Variants in ACAP2 observed in about 807,000 individuals in gnomAD.
ACAP2 encodes the protein arf-GAP with coiled-coil, ANK repeat and PH domain-containing protein 2.
In ACAP2, 39 loss-of-function variants were observed where a neutral mutation model predicts 115.8. The ratio of observed to expected loss-of-function variants is 0.34; its 90% CI spans 0.26 to 0.44. The LOEUF (loss-of-function observed/expected upper bound fraction) is 0.44, where lower values mean the gene tolerates loss of function less well. Among genes scored for constraint, ACAP2 ranks in the 20% least tolerant of loss-of-function variants. ACAP2 has a pLI of 1.00. For missense variants in ACAP2, 662 were observed against 927.6 expected (o/e 0.71, Z 3.72); for synonymous variants, 289 against 315.8 (o/e 0.92, Z 0.90).
chr3:195,290,196 A>T (rs1336644147), intron 20 of ACAP2, among the ~76,000 whole-genome samples: 1 of 151,980 alleles, frequency 6.6e-6, no homozygotes, highest in African/African-American at 2.4e-5. Flanking sequence ...ACATAGCAAA[A>T]TGTCTCTAAA....
chr3:195,441,783 A>G (rs761536242), intron 1 of ACAP2: 8 of 152,214 alleles, frequency 5.3e-5, no homozygotes, highest in Non-Finnish European at 1.2e-4. Context: ...GTAAAACGCA[A>G]CCTAGAAAAA....
chr3:195,356,240 C>T (rs1291138531), intron 4 of ACAP2: 1 of 455,256 alleles, frequency 2.2e-6, no homozygotes, highest in Non-Finnish European at 4.4e-6. Context: ...CGCAGTGCTG[C>T]CAATCCCGGC....
chr3:195,368,236 G>A (rs544372729), intron 4 of ACAP2, among the ~76,000 whole-genome samples: 7 of 152,164 alleles, frequency 4.6e-5, no homozygotes, highest in South Asian at 2.1e-4. Flanking sequence ...TGCAACCTTC[G>A]CCTCCCGGGT....
At chr3:195,338,679 G>A (rs896905963) in intron 6 of ACAP2, among the ~76,000 whole-genome samples, 1 of 152,040 alleles carries the variant, frequency 6.6e-6, no homozygotes, top group African/African-American at 2.4e-5. Flanking sequence ...TAAATTAAAA[G>A]ATTTGCCTTT....
chr3:195,381,796 A>T, intron 3 of ACAP2, 107 bp downstream of exon 3: 1 of 1,326,512 alleles, frequency 7.5e-7, no homozygotes, highest in Non-Finnish European at 1.0e-6. Flanking sequence ...TTCTACTTCT[A>T]ATTTTAAGTA....
intron 13 of ACAP2, among the ~76,000 whole-genome samples, chr3:195,302,455 ACTAGTCTAACAT>A (rs1728127079): frequency 6.6e-6 from 1 of 152,204 alleles, no homozygotes; most frequent in Non-Finnish European, 1.5e-5. Context: ...GAAAGGGAAC[ACTAGTCTAACAT>A]GCAGGGTGGA....
At chr3:195,281,055 G>A (rs1206483539) in intron 22 of ACAP2, among the ~76,000 whole-genome samples, 2 of 152,172 alleles carry the variant, frequency 1.3e-5, no homozygotes, top group East Asian at 3.8e-4. Context: ...GAGGATAGGA[G>A]TAAAGATCTA....
Position 195,301,367 on chromosome 3 carries a change from T to A in ACAP2, c.1395+208A>T, listed in dbSNP as rs1400615169. Among the ~76,000 whole-genome samples the A allele has an allele frequency of 1.3e-5, 2 of 152,152 alleles. 1 individual carries two copies. The highest frequency in any genetic ancestry group is 4.8e-5 in the African/African-American group (2 of 41,432). The stretch of plus-strand genomic sequence containing the variant: ...TCCTAAAGTGCTGGGATTACAGGCG[T>A]GAGCCACCGCACCCAGCCAAATGTA... On this transcript the variant is annotated intron_variant, in intron 15 of 22. Transcript: ENST00000326793.
chr3:195,440,658 A>G (rs1715922439), intron 1 of ACAP2, among the ~76,000 whole-genome samples: 1 of 152,258 alleles, frequency 6.6e-6, no homozygotes, highest in South Asian at 2.1e-4. Context: ...CTCAAAAGTA[A>G]AGCTCTTCTT....
chr3:195,276,493 T>C lies in ACAP2; in HGVS notation c.*2835A>G, dbSNP rs1726190082. 1 of 152,220 alleles carries C rather than the reference T, an allele frequency of 6.6e-6. No individual in the cohort carries two copies. The highest frequency in any genetic ancestry group is 1.5e-5 in the Non-Finnish European group (1 of 68,026). The allele number at this position is 152,220 out of a possible 1,614,324, so 9.4% of individuals were successfully genotyped here. On this transcript the variant is annotated 3_prime_UTR_variant, in exon 23 of 23. Transcript: ENST00000326793. ...GAAATTGCATTTTATTAACTCTTCA[T>C]AGTGCTGCTATTCTTATTTTGATAT...
intron 6 of ACAP2, 96 bp from the exon 7 acceptor site, chr3:195,337,072 T>G: frequency 8.7e-7 from 1 of 1,146,326 alleles, no homozygotes. Context: ...TTTAATACTT[T>G]TCGAAAAAGC....
chr3:195,312,339 G>A (rs1011128053), intron 10 of ACAP2, among the ~76,000 whole-genome samples: 7 of 152,094 alleles, frequency 4.6e-5, no homozygotes, highest in Non-Finnish European at 8.8e-5. Flanking sequence ...AAAAGGTAAC[G>A]AACTGACAAT....
At chr3:195,335,747 G>T (rs1730456964) in intron 7 of ACAP2, among the ~76,000 whole-genome samples, 1 of 152,104 alleles carries the variant, frequency 6.6e-6, no homozygotes, top group African/African-American at 2.4e-5. Flanking sequence ...GCTAGGTGGG[G>T]ACAAGAATCT....
At chr3:195,296,232 T>C (rs562224700) in intron 16 of ACAP2, among the ~76,000 whole-genome samples, 68 of 152,160 alleles carry the variant, frequency 4.5e-4, no homozygotes, top group African/African-American at 1.5e-3. Flanking sequence ...AAAAAAAACT[T>C]AAAAATTTAT....
intron 7 of ACAP2, among the ~76,000 whole-genome samples, chr3:195,335,608 C>A (rs1308939087): frequency 1.3e-5 from 2 of 152,086 alleles, no homozygotes; most frequent in African/African-American, 4.8e-5. Context: ...TAATTTTCTA[C>A]AATTAATACA....
At chr3:195,412,963 C>T (rs139081998) in intron 1 of ACAP2, 2 of 450,138 alleles carry the variant, frequency 4.4e-6, no homozygotes, top group Non-Finnish European at 8.9e-6. Flanking sequence ...AATATGTATA[C>T]ATGTAAGGTA....
chr3:195,284,471 TA>T (rs1207612828), intron 22 of ACAP2, among the ~76,000 whole-genome samples: 21 of 152,306 alleles, frequency 1.4e-4, no homozygotes, highest in African/African-American at 4.6e-4. Flanking sequence ...AGCCGCCTAC[TA>T]TTGTATGATC....
At chr3:195,404,159 A>T (rs942291192) in intron 1 of ACAP2, among the ~76,000 whole-genome samples, 2 of 152,078 alleles carry the variant, frequency 1.3e-5, no homozygotes, top group African/African-American at 4.8e-5. Flanking sequence ...TAGGCAACAT[A>T]CATACATACA....
At chr3:195,397,007 T>C (rs1711851416) in intron 1 of ACAP2, among the ~76,000 whole-genome samples, 1 of 152,128 alleles carries the variant, frequency 6.6e-6, no homozygotes, top group African/African-American at 2.4e-5. Flanking sequence ...AGATCATTAA[T>C]AGGCACATAA....
Sources: allele counts gnomAD v4.1 joint callset (sites outside exome capture counted in the v4.1 genomes callset), GRCh38; gene constraint gnomAD v4.1.1; transcripts MANE v1.5; gene names NCBI Gene and HGNC (gene_info 2026-07-23, HGNC 2026-07-21).